MTPAP: variants seen among roughly 807,000 people sequenced by gnomAD.
MTPAP encodes the protein poly(A) RNA polymerase, mitochondrial.
Under a neutral mutation model 48.7 loss-of-function variants are expected in MTPAP, and 23 were observed. That is an observed-to-expected ratio of 0.47 (90% CI 0.34 to 0.67). The LOEUF (loss-of-function observed/expected upper bound fraction) is 0.67, where lower values mean the gene tolerates loss of function less well. MTPAP is among the 30% of genes least tolerant of loss of function. The pLI is 0.01. For synonymous variants in MTPAP, 257 were observed against 254.1 expected, an observed-to-expected ratio of 1.01 and a Z score of -0.11; for missense variants, 614 against 694.3, an observed-to-expected ratio of 0.88 and a Z score of 1.30.
At chr10:30,317,761 T>TA (rs747568814) in intron 6 of MTPAP, among the ~76,000 whole-genome samples, 1 of 152,208 alleles carries the variant, frequency 6.6e-6, no homozygotes, top group Non-Finnish European at 1.5e-5. Flanking sequence ...GCCACTGTCC[T>TA]ATTCATTATT....
intron 4 of MTPAP, among the ~76,000 whole-genome samples, chr10:30,330,814 C>T (rs752476442): frequency 1.5e-4 from 23 of 152,186 alleles, no homozygotes; most frequent in Non-Finnish European, 2.6e-4. Context: ...AGCCGATGCT[C>T]AATTCTTCAC....
intron 1 of MTPAP, among the ~76,000 whole-genome samples, chr10:30,348,669 T>A (rs888002453): frequency 6.6e-6 from 1 of 152,150 alleles, no homozygotes; most frequent in South Asian, 2.1e-4. Context: ...CAGAACCCTA[T>A]GTCTAGGAAC....
At chr10:30,343,562 A>T (rs749798142) in intron 1 of MTPAP, among the ~76,000 whole-genome samples, 12 of 151,670 alleles carry the variant, frequency 7.9e-5, no homozygotes, top group African/African-American at 2.7e-4. Flanking sequence ...CTATCTTACT[A>T]TCTTTTTTCT....
intron 4 of MTPAP, among the ~76,000 whole-genome samples, chr10:30,329,970 TA>T (rs35031966): frequency 2.7e-5 from 4 of 148,412 alleles, no homozygotes; most frequent in Non-Finnish European, 4.5e-5. Flanking sequence ...TTTTTTCTTT[TA>T]AAAAAAAAAG....
Position 30,336,795 on chromosome 10 carries a change from A to G in MTPAP, c.780+8T>C, listed in dbSNP as rs1420474038. ...CATGATTATAGTGGTCAAAAGAAAT[A>G]GACTTACCTTGTGAGCGCTGAGGTT... On this transcript the variant is annotated splice_region_variant and intron_variant, in intron 4 of 8. Transcript: ENST00000263063. 1 of 1,582,906 alleles carries G rather than the reference A, an allele frequency of 6.3e-7. No individual in the cohort carries two copies. The highest frequency in any genetic ancestry group is 2.2e-5 in the East Asian group (1 of 44,714).
At chr10:30,329,207 C>T (rs958709954) in intron 4 of MTPAP, among the ~76,000 whole-genome samples, 3 of 151,758 alleles carry the variant, frequency 2.0e-5, no homozygotes, top group Non-Finnish European at 4.4e-5. Context: ...GAGATTGTGC[C>T]CCTGCACTCC....
intron 6 of MTPAP, 109 bp from the exon 7 acceptor site, chr10:30,316,319 T>C: frequency 1.2e-6 from 1 of 839,446 alleles, no homozygotes; most frequent in East Asian, 2.6e-5. Context: ...CTCAGCTCAA[T>C]GCAGCCTCCA....
chr10:30,345,084 G>A (rs947288688), intron 1 of MTPAP, among the ~76,000 whole-genome samples: 1 of 151,992 alleles, frequency 6.6e-6, no homozygotes, highest in African/African-American at 2.4e-5. Context: ...ATTAAGTTGT[G>A]GTACTTACCT....
In MTPAP at chr10:30,316,128, T is replaced by C. The variant is rs1433933977; in HGVS notation, c.1302A>G (p.Thr434=). 1 of 1,613,596 alleles carries C rather than the reference T, an allele frequency of 6.2e-7. No homozygotes were observed. Among genetic ancestry groups the C allele is most frequent in the Admixed American group, 1.7e-5 (1 of 60,008 alleles). ...CAGAAAGACACTTACCTAATGTTTC[T>C]GTGTTCTGTGAAGGTTTAATTCTAC... ...DLSRIKPSQN[T]ETLELLLKEF... is the part of the protein sequence containing the mutation. The change falls in exon 7 of 9, where the codon ACA becomes ACG. Residue 434 remains threonine, a synonymous_variant. Coordinates refer to ENST00000263063, the MANE Select transcript of MTPAP (RefSeq NM_018109.4).
chr10:30,345,184 C>G (rs950273023), intron 1 of MTPAP, among the ~76,000 whole-genome samples: 2 of 152,154 alleles, frequency 1.3e-5, no homozygotes, highest in Non-Finnish European at 2.9e-5. Context: ...TGAAATCTTA[C>G]TATATATTCT....
chr10:30,347,017 T>C (rs184161878), intron 1 of MTPAP, among the ~76,000 whole-genome samples: 2 of 152,314 alleles, frequency 1.3e-5, no homozygotes, highest in African/African-American at 4.8e-5. Context: ...CCTTAAAGTA[T>C]GATATATGTC....
intron 1 of MTPAP, among the ~76,000 whole-genome samples, chr10:30,345,462 T>TGAG (rs1198736072): frequency 6.6e-6 from 1 of 152,086 alleles, no homozygotes; most frequent in Non-Finnish European, 1.5e-5. Flanking sequence ...GGATTACATT[T>TGAG]GAGAATGAGA....
chr10:30,331,447 AT>A (rs1423061509), intron 4 of MTPAP, among the ~76,000 whole-genome samples: 1 of 152,240 alleles, frequency 6.6e-6, no homozygotes, highest in Non-Finnish European at 1.5e-5. Context: ...CCAAAGGCAG[AT>A]TTTAGTTTAG....
Position 30,337,172 on chromosome 10 carries a change from C to A in MTPAP, c.556-145G>T, listed in dbSNP as rs960690559. ...TGGCGCAGTGGCTCACGCCTGTAAT[C>A]CCAACATTTTGGGAGGCCAAGGCAG... On this transcript the variant is annotated intron_variant, in intron 3 of 8. Transcript: ENST00000263063. The A allele has an allele frequency of 1.2e-5, 9 of 779,530 alleles. No homozygotes were observed. In the Admixed American group the frequency reaches 1.9e-4, roughly 16 times the overall value. The allele number at this position is 779,530 out of a possible 1,614,324, so 48.3% of individuals were successfully genotyped here.
At chr10:30,321,593 G>A (rs980468410) in intron 6 of MTPAP, among the ~76,000 whole-genome samples, 34 of 152,332 alleles carry the variant, frequency 2.2e-4, no homozygotes, top group South Asian at 8.3e-4. Flanking sequence ...GAGGAGTAGG[G>A]AAGAGCATGG....
chr10:30,314,897 A>G (rs1564517602), intron 8 of MTPAP, among the ~76,000 whole-genome samples: 1 of 146,984 alleles, frequency 6.8e-6, no homozygotes, highest in Non-Finnish European at 1.5e-5. Context: ...AAAAAAAAAA[A>G]AAAAAAAAGA....
At position 30,313,556 on chromosome 10, in the gene MTPAP, T is replaced by C. The variant is rs1459087321; in HGVS notation, c.*53A>G. On this transcript the variant is annotated 3_prime_UTR_variant, in exon 9 of 9. Coordinates refer to ENST00000263063, the MANE Select transcript of MTPAP (RefSeq NM_018109.4). ...TTTCAAATCAGTTTTTCCAAGTAAG[T>C]CCACAGACCATTTGATAGGCTAAGC... 1.9e-6 allele frequency: 3 copies of C among 1,610,428 alleles called. No homozygotes were observed. The highest frequency in any genetic ancestry group is 2.5e-6 in the Non-Finnish European group (3 of 1,177,642).
At chr10:30,326,919 TA>T (rs1834604314) in intron 4 of MTPAP, among the ~76,000 whole-genome samples, 1 of 152,176 alleles carries the variant, frequency 6.6e-6, no homozygotes, top group African/African-American at 2.4e-5. Context: ...AAATGAATCA[TA>T]AATACTATGC....
rs1564525786 is a variant in MTPAP at position 30,349,160 on chromosome 10, T to G, written c.116A>C (p.Asp39Ala). The change falls in exon 1 of 9, where the codon GAC (aspartate) becomes GCC (alanine). Residue 39 changes from aspartate (D) to alanine (A), a missense_variant. Around this residue, in one of 5 missense-constraint regions of MTPAP, gnomAD observed 125 missense variants for 111.5 expected, o/e 1.12. Coordinates refer to ENST00000263063, the MANE Select transcript of MTPAP (RefSeq NM_018109.4). ...LLSCPGTVAK[D>A]LRRDEQPSGS... ...TGAAGGCTGCTCGTCTCTCCTAAGG[T>G]CTTTGGCCACAGTTCCTGGGCAACT... The G allele has an allele frequency of 1.2e-6, 2 of 1,613,062 alleles. No homozygotes were observed. Among genetic ancestry groups the G allele is most frequent in the Non-Finnish European group, 1.7e-6 (2 of 1,179,710 alleles).
Sources: allele counts gnomAD v4.1 joint callset (sites outside exome capture counted in the v4.1 genomes callset), GRCh38; gene constraint gnomAD v4.1.1; regional missense constraint gnomAD v4.1.1; transcripts MANE v1.5; gene names NCBI Gene and HGNC (gene_info 2026-07-23, HGNC 2026-07-21).